Variants in RNF144A observed in about 807,000 individuals in gnomAD.
RNF144A encodes E3 ubiquitin-protein ligase RNF144A.
A neutral mutation model predicts 38.7 loss-of-function variants in RNF144A; 11 were observed. That is an observed-to-expected ratio of 0.28 (90% CI 0.18 to 0.47). RNF144A has a LOEUF of 0.47. Among genes scored for constraint, RNF144A ranks in the 20% least tolerant of loss-of-function variants. The pLI, the probability that RNF144A is intolerant of heterozygous loss-of-function variation, is 0.99. For missense variants in RNF144A, 316 were observed against 377.2 expected, an observed-to-expected ratio of 0.84 and a Z score of 1.34; for synonymous variants, 149 against 143.9, an observed-to-expected ratio of 1.04 and a Z score of -0.25.
chr2:7,028,182 T>G (rs1572435665), intron 7 of RNF144A, among the ~76,000 whole-genome samples: 1 of 151,908 alleles, frequency 6.6e-6, no homozygotes, highest in Non-Finnish European at 1.5e-5. Flanking sequence ...GAAGGCTGAG[T>G]GAGTTTGTTC....
rs1666143635 is a variant in RNF144A, at chr2:6,943,446, T to A, written c.-12+2299T>A. ...GGATTGTAGACAACTCAGTTGAGCT[T>A]TGCGGCAAAAGGGAGCAGAGTTTGA... On this transcript the variant is annotated intron_variant, in intron 2 of 8. Coordinates refer to ENST00000320892, the MANE Select transcript of RNF144A (RefSeq NM_014746.6). The surrounding 1 kb of genome is among the most constrained non-coding windows in gnomAD (Gnocchi z 4.3). 6.6e-6 allele frequency among the ~76,000 whole-genome samples: 1 copy of A among 152,186 alleles called. No homozygotes were observed. Among genetic ancestry groups the A allele is most frequent in the Non-Finnish European group, 1.5e-5 (1 of 68,028 alleles).
rs1572268346 is a variant in RNF144A at position 6,958,887 on chromosome 2, T to G, written c.-12+17740T>G. ...CTTGGACACTATTCCAAAGCTTCTC[T>G]TTTACCCAATGGCTCCCTAAAAGCT... On this transcript the variant is annotated intron_variant, in intron 2 of 8. Transcript: ENST00000320892. This position sits in a 1 kb window ranked among gnomAD's most constrained non-coding sequence, Gnocchi z 4.5. Among the ~76,000 whole-genome samples, 1 of 152,168 alleles carries G rather than the reference T, an allele frequency of 6.6e-6. No homozygotes were observed. Among genetic ancestry groups the G allele is most frequent in the Non-Finnish European group, 1.5e-5 (1 of 68,028 alleles).
chr2:7,055,110 A>G (rs778861409), intron 6 of RNF144A, among the ~76,000 whole-genome samples: 40 of 150,734 alleles, frequency 2.7e-4, no homozygotes, highest in Non-Finnish European at 1.0e-4. Context: ...TGTAGCTCTC[A>G]CTCTCCCAGT....
chr2:7,072,740 A>G (rs1674527717), downstream of RNF144A, among the ~76,000 whole-genome samples: 1 of 152,236 alleles, frequency 6.6e-6, no homozygotes, highest in African/African-American at 2.4e-5. Context: ...CAAACAATAG[A>G]TATTTGTGGA....
chr2:6,933,699 A>T (rs1046221524), intron 1 of RNF144A, among the ~76,000 whole-genome samples: 2 of 132,642 alleles, frequency 1.5e-5, no homozygotes, highest in Non-Finnish European at 3.4e-5. Context: ...TAATTCTTCT[A>T]GAAAAATTGT....
chr2:6,946,208 G>A (rs1366891512), intron 2 of RNF144A, among the ~76,000 whole-genome samples: 1 of 152,164 alleles, frequency 6.6e-6, no homozygotes, highest in African/African-American at 2.4e-5. Flanking sequence ...ATAGACACAT[G>A]CATATACATT....
Position 6,923,798 on chromosome 2 carries a change from T to A in RNF144A, c.-212+6176T>A, listed in dbSNP as rs771285. ...CCACCAGGTGCTTCCATAGCAACTT[T>A]ATTTTTTTTTTTCAGAACCTGTAGT... On this transcript the variant is annotated intron_variant, in intron 1 of 8. Transcript: ENST00000320892. Among the ~76,000 whole-genome samples the A allele has an allele frequency of 4.2e-3, 620 of 147,452 alleles. 1 individual carries two copies. The highest frequency in any genetic ancestry group is 0.014 in the Admixed American group (210 of 14,778).
chr2:6,933,792 T>G (rs1321285359), intron 1 of RNF144A, among the ~76,000 whole-genome samples: 2 of 152,144 alleles, frequency 1.3e-5, no homozygotes, highest in Admixed American at 1.3e-4. Context: ...TTTGCTGATA[T>G]ATCTTAGATA....
chr2:7,010,556 G>A (rs1670732659), intron 3 of RNF144A, among the ~76,000 whole-genome samples: 1 of 152,154 alleles, frequency 6.6e-6, no homozygotes, highest in Admixed American at 6.5e-5. Flanking sequence ...ATATTTCTCT[G>A]TGGCCACTTC....
At chr2:7,051,487 G>A (rs1316618277) in intron 6 of RNF144A, among the ~76,000 whole-genome samples, 2 of 152,250 alleles carry the variant, frequency 1.3e-5, no homozygotes, top group East Asian at 3.8e-4. Flanking sequence ...CTTGGATGCA[G>A]AGGATGAGGG....
At chr2:7,064,251 TGAGAAAG>T (rs961390748) in intron 6 of RNF144A, among the ~76,000 whole-genome samples, 1 of 151,842 alleles carries the variant, frequency 6.6e-6, no homozygotes, top group African/African-American at 2.4e-5. Context: ...TCATAGCAGA[TGAGAAAG>T]GAGAAAACAA....
chr2:6,981,845 A>G (rs1010464602), intron 2 of RNF144A, among the ~76,000 whole-genome samples: 7 of 152,208 alleles, frequency 4.6e-5, no homozygotes, highest in African/African-American at 1.7e-4. Context: ...TGCTATAAAG[A>G]TACTACCGGC....
intron 2 of RNF144A, among the ~76,000 whole-genome samples, chr2:6,946,429 TTG>T (rs1309760655): frequency 6.6e-6 from 1 of 152,300 alleles, no homozygotes; most frequent in African/African-American, 2.4e-5. Flanking sequence ...GTTTTATGAG[TTG>T]TGTTTCATAA....
intron 8 of RNF144A, among the ~76,000 whole-genome samples, chr2:7,037,681 G>A (rs775651951): frequency 1.3e-5 from 2 of 152,230 alleles, no homozygotes; most frequent in East Asian, 1.9e-4. Context: ...ATGCACGTAC[G>A]TGTGCATGTG....
chr2:7,074,727 G>A, the RNF144A span: 3 of 152,234 alleles, frequency 2.0e-5, no homozygotes, highest in African/African-American at 7.3e-5. Flanking sequence ...CTGAAACATA[G>A]GAGGTGAACA....
intron 6 of RNF144A, among the ~76,000 whole-genome samples, chr2:7,051,240 C>T (rs1279008183): frequency 1.3e-5 from 2 of 152,100 alleles, no homozygotes; most frequent in African/African-American, 2.4e-5. Flanking sequence ...ACAAACACAC[C>T]CATGCAAGTA....
At chr2:7,065,211 C>T (rs145561850) in intron 6 of RNF144A, among the ~76,000 whole-genome samples, 276 of 152,192 alleles carry the variant, frequency 1.8e-3, no homozygotes, top group East Asian at 3.5e-3. Flanking sequence ...TTTCTTTTGT[C>T]CAAAAAGGAT....
intron 2 of RNF144A, among the ~76,000 whole-genome samples, chr2:6,953,933 A>G (rs924766399): frequency 6.6e-6 from 1 of 152,186 alleles, no homozygotes; most frequent in African/African-American, 2.4e-5. Context: ...ATACAAACTT[A>G]AAATTTATGG....
intron 2 of RNF144A, among the ~76,000 whole-genome samples, chr2:6,980,805 C>T (rs1384632337): frequency 6.6e-6 from 1 of 152,248 alleles, no homozygotes; most frequent in African/African-American, 2.4e-5. Flanking sequence ...CCCTTCCACA[C>T]TGCCCATGAA....
Sources: gnomAD v4.1 joint callset for allele counts (sites outside exome capture counted in the v4.1 genomes callset) on GRCh38, gnomAD v4.1.1 for gene constraint, Gnocchi (gnomAD v3.1) non-coding constraint, MANE v1.5 for transcripts, NCBI Gene and HGNC (gene_info 2026-07-23, HGNC 2026-07-21) for gene names.